Variants in KCNH1 observed in about 807,000 individuals in gnomAD.
KCNH1 encodes the protein potassium voltage-gated channel subfamily H member 1.
KCNH1 carries 27 observed loss-of-function variants against 69.2 expected under a neutral mutation model. The ratio of observed to expected loss-of-function variants is 0.39; its 90% CI spans 0.29 to 0.54. The LOEUF (loss-of-function observed/expected upper bound fraction) is 0.54. Among genes scored for constraint, KCNH1 ranks in the 20% least tolerant of loss-of-function variants. KCNH1 has a pLI of 0.68. For synonymous variants in KCNH1, 456 were observed against 487.7 expected (o/e 0.93, Z 0.86); for missense variants, 798 against 1,261.6 (o/e 0.63, Z 5.57).
chr1:210,949,711 T>C (rs1324704114), intron 6 of KCNH1, among the ~76,000 whole-genome samples: 1 of 152,226 alleles, frequency 6.6e-6, no homozygotes, highest in Non-Finnish European at 1.5e-5. Context: ...ATGATCAGTG[T>C]TCTCTGCTGA....
intron 6 of KCNH1, among the ~76,000 whole-genome samples, chr1:210,983,659 G>C (rs1034410945): frequency 1.3e-5 from 2 of 152,164 alleles, no homozygotes; most frequent in African/African-American, 2.4e-5. Flanking sequence ...GTACCATGCT[G>C]TTTTGGTTAC....
rs182499324 is a variant in KCNH1, at chr1:211,057,857, T to A, written c.558+24923A>T. 5.3e-5 allele frequency among the ~76,000 whole-genome samples: 8 copies of A among 152,124 alleles called. No individual in the cohort carries two copies. The Middle Eastern group carries it at 0.014, about 259-fold the overall frequency. ...CAAGAGAAAGATATTAATATTCAAG[T>A]ACAGGAAAGTTACAGAACACCAAGC... On this transcript the variant is annotated intron_variant, in intron 5 of 10. Coordinates refer to ENST00000271751, the MANE Select transcript of KCNH1 (RefSeq NM_172362.3).
chr1:210,914,039 G>A (rs1306410578), intron 7 of KCNH1, among the ~76,000 whole-genome samples: 1 of 152,144 alleles, frequency 6.6e-6, no homozygotes, highest in African/African-American at 2.4e-5. Flanking sequence ...AAAGTCATGT[G>A]TTGAATACAG....
At chr1:210,848,660 T>C (rs1044398571) in intron 7 of KCNH1, among the ~76,000 whole-genome samples, 1 of 152,210 alleles carries the variant, frequency 6.6e-6, no homozygotes, top group Non-Finnish European at 1.5e-5. Flanking sequence ...TTGGTCAAGA[T>C]AGAATCTTGG....
intron 6 of KCNH1, among the ~76,000 whole-genome samples, chr1:211,011,157 G>A (rs1010528333): frequency 3.9e-5 from 6 of 152,014 alleles, no homozygotes; most frequent in African/African-American, 1.5e-4. Context: ...AGGCCCTGGT[G>A]TGTGATGTTC....
chr1:210,806,306 T>C (rs1296300458), intron 7 of KCNH1, among the ~76,000 whole-genome samples: 1 of 152,246 alleles, frequency 6.6e-6, no homozygotes, highest in African/African-American at 2.4e-5. Context: ...TGCATTTCCA[T>C]ACAGCTAATG....
At chr1:210,826,641 C>T (rs1558485825) in intron 7 of KCNH1, among the ~76,000 whole-genome samples, 2 of 152,194 alleles carry the variant, frequency 1.3e-5, no homozygotes, top group African/African-American at 2.4e-5. Flanking sequence ...CCCAGTTCAG[C>T]CTTCAGGATT....
At chr1:210,752,297 C>A (rs1452823227) in intron 10 of KCNH1, among the ~76,000 whole-genome samples, 1 of 152,144 alleles carries the variant, frequency 6.6e-6, no homozygotes, top group Non-Finnish European at 1.5e-5. Context: ...GTCCATAACT[C>A]CTTGGGTATC....
intron 10 of KCNH1, among the ~76,000 whole-genome samples, chr1:210,752,681 G>A (rs894064892): frequency 2.0e-5 from 3 of 152,126 alleles, no homozygotes; most frequent in Admixed American, 2.0e-4. Context: ...AGAGAAGGAG[G>A]AGAACGGAGG....
At chr1:210,861,366 A>G (rs1685975002) in intron 7 of KCNH1, 3 of 780,606 alleles carry the variant, frequency 3.8e-6, no homozygotes, top group Non-Finnish European at 7.1e-6. Context: ...AACACTTTCA[A>G]TAAAACTTGC....
intron 5 of KCNH1, among the ~76,000 whole-genome samples, chr1:211,035,143 G>C (rs1287741073): frequency 6.6e-6 from 1 of 151,142 alleles, no homozygotes; most frequent in Non-Finnish European, 1.5e-5. Flanking sequence ...CACTAGGCTA[G>C]AGAGGGAGGG....
intron 10 of KCNH1, among the ~76,000 whole-genome samples, chr1:210,710,226 A>T (rs1023842799): frequency 1.4e-5 from 2 of 145,824 alleles, no homozygotes; most frequent in Admixed American, 7.5e-5. Flanking sequence ...TATAAAAGAT[A>T]AAAAAAATAC....
intron 7 of KCNH1, among the ~76,000 whole-genome samples, chr1:210,872,076 A>T (rs969464945): frequency 1.3e-5 from 2 of 151,598 alleles, no homozygotes; most frequent in Non-Finnish European, 2.9e-5. Flanking sequence ...AAAAAACAAA[A>T]TATATACATA....
intron 10 of KCNH1, among the ~76,000 whole-genome samples, chr1:210,754,435 T>C (rs1161221151): frequency 1.3e-5 from 2 of 152,060 alleles, no homozygotes; most frequent in African/African-American, 4.8e-5. Context: ...TTGATATAGT[T>C]TGGATATTTT....
intron 6 of KCNH1, among the ~76,000 whole-genome samples, chr1:210,926,667 C>T (rs184981178): frequency 1.1e-4 from 17 of 152,184 alleles, no homozygotes; most frequent in Admixed American, 4.6e-4. Flanking sequence ...TCTTTAACCC[C>T]CGCAAAAGAT....
At chr1:211,122,894 GTATA>G (rs1372073747) in intron 1 of KCNH1, among the ~76,000 whole-genome samples, 5 of 151,908 alleles carry the variant, frequency 3.3e-5, no homozygotes, top group Non-Finnish European at 5.9e-5. Flanking sequence ...CATGACACAT[GTATA>G]TGTATGTAAC....
intron 1 of KCNH1, among the ~76,000 whole-genome samples, chr1:211,127,331 T>G (rs1482813612): frequency 6.6e-6 from 1 of 151,978 alleles, no homozygotes; most frequent in Non-Finnish European, 1.5e-5. Context: ...TCCTAGTTCC[T>G]TCTCCCTTCC....
At chr1:211,019,393 G>A (rs1377237754) in intron 5 of KCNH1, 137 bp from the exon 6 acceptor site, 3 of 606,822 alleles carry the variant, frequency 4.9e-6, no homozygotes, top group Non-Finnish European at 8.7e-6. Flanking sequence ...TATGAAAGAA[G>A]TATGGGAGAA....
At chr1:211,046,867 C>A (rs1479223761) in intron 5 of KCNH1, among the ~76,000 whole-genome samples, 1 of 152,038 alleles carries the variant, frequency 6.6e-6, no homozygotes, top group African/African-American at 2.4e-5. Flanking sequence ...GAAATTCAAA[C>A]CCACATCTAA....
Sources: allele counts gnomAD v4.1 joint callset (sites outside exome capture counted in the v4.1 genomes callset), GRCh38; gene constraint gnomAD v4.1.1; transcripts MANE v1.5; gene names NCBI Gene and HGNC (gene_info 2026-07-23, HGNC 2026-07-21).